The following LRP8 variants were observed in gnomAD, a reference collection of about 807,000 sequenced individuals.
LRP8 encodes LDL receptor related protein 8, also known as low-density lipoprotein receptor-related protein 8.
Under a neutral mutation model 111.6 loss-of-function variants are expected in LRP8, and 46 were observed. That is an observed-to-expected ratio of 0.41 (90% CI 0.33 to 0.53). LRP8 has a LOEUF of 0.53. Among genes scored for constraint, LRP8 ranks in the 20% least tolerant of loss-of-function variants. The pLI is 0.20. For missense variants in LRP8, 959 were observed against 1,297.4 expected (o/e 0.74, Z 4.01); for synonymous variants, 464 against 511.2 (o/e 0.91, Z 1.24).
intron 2 of LRP8, among the ~76,000 whole-genome samples, chr1:53,302,950 G>C (rs1014868935): frequency 6.6e-6 from 1 of 151,246 alleles, no homozygotes; most frequent in South Asian, 2.1e-4. Flanking sequence ...TCCAGAGTCA[G>C]GGCCTGGGAA....
rs769377929 is a variant in LRP8, at chr1:53,258,364, G to C, written c.2164C>G (p.Pro722Ala). The C allele has an allele frequency of 6.2e-7, 1 of 1,614,126 alleles. No homozygotes were observed. Among genetic ancestry groups the C allele is most frequent in the Non-Finnish European group, 8.5e-7 (1 of 1,180,010 alleles). Residue 722 changes from proline (P) to alanine (A), a missense_variant, in exon 14 of 19, where the codon CCT becomes GCT. Pro to Ala is a conservative substitution (Grantham distance 27, BLOSUM62 -1). This residue lies in a region of LRP8 where 819 missense variants were observed against 1,097.6 expected (regional missense o/e 0.75). Coordinates refer to ENST00000306052, the MANE Select transcript of LRP8 (RefSeq NM_004631.5). ...SHSPKYTCACPDTMWLGPDMK... is the reference protein window; with the variant it reads ...SHSPKYTCACADTMWLGPDMK... ...TCTGGACCCAGCCACATTGTGTCAG[G>C]ACAGGCACATGTGTACTTGGGAGAG...
At chr1:53,269,868 C>A (rs576012041) in intron 8 of LRP8, among the ~76,000 whole-genome samples, 1 of 152,176 alleles carries the variant, frequency 6.6e-6, no homozygotes, top group South Asian at 2.1e-4. Flanking sequence ...CTGCTGAATC[C>A]CCAGTGTCTA....
chr1:53,322,053 C>T (rs1654587386), intron 2 of LRP8, among the ~76,000 whole-genome samples: 1 of 152,054 alleles, frequency 6.6e-6, no homozygotes, highest in African/African-American at 2.4e-5. Context: ...GCAAGGGGTC[C>T]GGGTTGGCCT....
chr1:53,319,036 T>G (rs1405984309), intron 2 of LRP8, among the ~76,000 whole-genome samples: 1 of 152,198 alleles, frequency 6.6e-6, no homozygotes, highest in African/African-American at 2.4e-5. Flanking sequence ...ACTAAATAAG[T>G]AAAATCAGTT....
intron 8 of LRP8, among the ~76,000 whole-genome samples, chr1:53,269,046 T>A (rs1646675673): frequency 6.6e-6 from 1 of 152,124 alleles, no homozygotes; most frequent in Non-Finnish European, 1.5e-5. Context: ...CTCAATGGTT[T>A]CCCCCCAGTT....
chr1:53,285,599 C>A (rs115258720), intron 3 of LRP8, among the ~76,000 whole-genome samples: 1 of 152,346 alleles, frequency 6.6e-6, no homozygotes, highest in South Asian at 2.1e-4. Context: ...GAAATCCCTA[C>A]ACTCAGAGCC....
Position 53,255,106 on chromosome 1 carries a change from G to A in LRP8, c.2503+11C>T, listed in dbSNP as rs369209279. Reference sequence around the variant, plus strand: ...TCTCTTTTCTCTTCAGTGACTGGGGGCCACACTCACCTATGGGCACGATGA... The same window carrying A: ...TCTCTTTTCTCTTCAGTGACTGGGGACCACACTCACCTATGGGCACGATGA... On this transcript the variant is annotated intron_variant, in intron 16 of 18. Coordinates refer to ENST00000306052, the MANE Select transcript of LRP8 (RefSeq NM_004631.5). 8 of 1,612,826 alleles carry A rather than the reference G, an allele frequency of 5.0e-6. No homozygotes were observed. Among genetic ancestry groups the A allele is most frequent in the Non-Finnish European group, 6.8e-6 (8 of 1,179,694 alleles).
Position 53,264,215 on chromosome 1 carries a change from G to A in LRP8, c.1609C>T (p.Arg537Cys), listed in dbSNP as rs765234678. Residue 537 changes from arginine (R) to cysteine (C), a missense_variant, in exon 10 of 19, where the codon CGT becomes TGT. This residue lies in a region of LRP8 where 819 missense variants were observed against 1,097.6 expected (regional missense o/e 0.75). Transcript: ENST00000306052. ...DGGRRRTLFS[R>C]NLSEPRAIAV... ...ATGGCCCGGGGTTCACTGAGGTTACGGCTGAAGAGAGTGCGTCGGCGGCCA... is the reference window on the plus strand; with the variant it reads ...ATGGCCCGGGGTTCACTGAGGTTACAGCTGAAGAGAGTGCGTCGGCGGCCA... 30 of 1,614,020 alleles carry A rather than the reference G, an allele frequency of 1.9e-5. No homozygotes were observed. Among genetic ancestry groups the A allele is most frequent in the Non-Finnish European group, 2.3e-5 (27 of 1,180,032 alleles).
chr1:53,248,147 A>G (rs1252476030), intron 18 of LRP8, among the ~76,000 whole-genome samples: 1 of 152,248 alleles, frequency 6.6e-6, no homozygotes, highest in Non-Finnish European at 1.5e-5. Flanking sequence ...TCCTAGGTCA[A>G]CGTAACCAAC....
rs1455591893 is a variant in LRP8 at position 53,327,940 on chromosome 1, C to T, written c.-28G>A. On this transcript the variant is annotated 5_prime_UTR_variant, in exon 1 of 19. Coordinates refer to ENST00000306052, the MANE Select transcript of LRP8 (RefSeq NM_004631.5). ...CGGGCCCGGGGCTCCGGCCGCCGCG[C>T]CCCGCGCTCCCCGCGCCGCCGCCGC... 1.3e-5 allele frequency: 15 copies of T among 1,122,848 alleles called. No homozygotes were observed. The highest frequency in any genetic ancestry group is 1.6e-5 in the Non-Finnish European group (15 of 921,028). 69.6% of individuals were successfully genotyped at this position (1,122,848 alleles called of 1,614,324 possible). A position where few individuals can be genotyped will look rare whatever the true frequency, so the allele number is the denominator to read the frequency against.
intron 3 of LRP8, among the ~76,000 whole-genome samples, chr1:53,285,498 T>C (rs1647402007): frequency 1.3e-5 from 2 of 152,212 alleles, no homozygotes; most frequent in South Asian, 2.1e-4. Flanking sequence ...AGGCAACTAC[T>C]GAACCTCTCT....
chr1:53,280,729 C>T lies in LRP8; in HGVS notation c.368-14G>A, dbSNP rs766114388. On this transcript the variant is annotated splice_polypyrimidine_tract_variant and intron_variant, in intron 3 of 18. Transcript: ENST00000306052. ...ACACCTGCTTGGCTGTGGAGACAGA[C>T]GTCCATGCATAGCTTAGCCAAGGGG... 2.8e-5 allele frequency: 45 copies of T among 1,609,740 alleles called. No homozygotes were observed. In the East Asian group the frequency reaches 4.9e-4, roughly 18 times the overall value.
chr1:53,277,839 TG>T lies in LRP8; in HGVS notation c.497-762del, dbSNP rs202163477. On this transcript the variant is annotated intron_variant, in intron 4 of 18. Coordinates refer to ENST00000306052, the MANE Select transcript of LRP8 (RefSeq NM_004631.5). The stretch of plus-strand genomic sequence containing the variant: ...TCTGAGTTTCATGTCCTTTTCAATC[TG>T]CCCCAAGAATCCACACTGCCTGGGG... Among the ~76,000 whole-genome samples the T allele has an allele frequency of 6.1e-3, 926 of 152,330 alleles. 6 individuals carry two copies. Among genetic ancestry groups the T allele is most frequent in the Middle Eastern group, 0.017 (5 of 294 alleles).
chr1:53,285,223 G>A (rs1647366405), intron 3 of LRP8, among the ~76,000 whole-genome samples: 1 of 152,136 alleles, frequency 6.6e-6, no homozygotes, highest in Non-Finnish European at 1.5e-5. Context: ...CAAACACAGT[G>A]CTTAACTTAC....
intron 2 of LRP8, among the ~76,000 whole-genome samples, chr1:53,310,673 T>TG (rs1361210585): frequency 6.6e-6 from 1 of 152,134 alleles, no homozygotes; most frequent in African/African-American, 2.4e-5. Context: ...GTGGCAAGCC[T>TG]GGGAGCCATG....
chr1:53,291,549 C>T (rs1648775537), intron 2 of LRP8, among the ~76,000 whole-genome samples: 1 of 152,212 alleles, frequency 6.6e-6, no homozygotes, highest in African/African-American at 2.4e-5. Context: ...CCCCACCTCT[C>T]ACCTTCTTTC....
rs1645853497 is a variant in LRP8, at chr1:53,250,328, C to T, written c.2676+362G>A. Among the ~76,000 whole-genome samples the T allele has an allele frequency of 6.6e-6, 1 of 152,136 alleles. No homozygotes were observed. On this transcript the variant is annotated intron_variant, in intron 17 of 18. Coordinates refer to ENST00000306052, the MANE Select transcript of LRP8 (RefSeq NM_004631.5). This position sits in a 1 kb window ranked among gnomAD's most constrained non-coding sequence, Gnocchi z 4.6. ...ACTGAGCAGAAAGAGAGACATTTGGCTTTTTTTACTGCCAGGAAGAGCCTC... is the reference window on the plus strand; with the variant it reads ...ACTGAGCAGAAAGAGAGACATTTGGTTTTTTTTACTGCCAGGAAGAGCCTC...
intron 2 of LRP8, among the ~76,000 whole-genome samples, chr1:53,301,708 G>A (rs1335233377): frequency 6.7e-6 from 1 of 150,210 alleles, no homozygotes; most frequent in African/African-American, 2.5e-5. Context: ...TCCAGCCTGG[G>A]CAACAGAGGG....
At chr1:53,301,104 G>A (rs1285806403) in intron 2 of LRP8, among the ~76,000 whole-genome samples, 1 of 152,100 alleles carries the variant, frequency 6.6e-6, no homozygotes, top group Non-Finnish European at 1.5e-5. Context: ...GCTGGGTGAT[G>A]CGGACAGCAG....
Sources: allele counts gnomAD v4.1 joint callset (sites outside exome capture counted in the v4.1 genomes callset), GRCh38; gene constraint gnomAD v4.1.1; regional missense constraint gnomAD v4.1.1; non-coding constraint Gnocchi (gnomAD v3.1); transcripts MANE v1.5; gene names NCBI Gene and HGNC (gene_info 2026-07-23, HGNC 2026-07-21).